LRRTM4: variants seen among roughly 807,000 people sequenced by gnomAD.
The protein encoded by LRRTM4 is leucine rich repeat transmembrane neuronal 4.
A neutral mutation model predicts 47.6 loss-of-function variants in LRRTM4; 25 were observed. The ratio of observed to expected loss-of-function variants is 0.53; its 90% confidence interval spans 0.38 to 0.73. LRRTM4 has a LOEUF of 0.73. Among genes scored for constraint, LRRTM4 ranks in the 30% least tolerant of loss-of-function variants. The pLI, the probability that LRRTM4 is intolerant of heterozygous loss-of-function variation, is 0.00. For missense variants in LRRTM4, 638 were observed against 713.4 expected (o/e 0.89, Z 1.20); for synonymous variants, 311 against 269.5 (o/e 1.15, Z -1.51).
chr2:77,379,353 G>A (rs796973169), intron 3 of LRRTM4, among the ~76,000 whole-genome samples: 15 of 151,900 alleles, frequency 9.9e-5, no homozygotes, highest in Admixed American at 2.6e-4. Flanking sequence ...TAATGTTTAG[G>A]TGCATTTTAT....
In LRRTM4 at chr2:76,909,127, C is replaced by T. The variant is rs185371393; in HGVS notation, c.1552-160211G>A. On this transcript the variant is annotated intron_variant, in intron 3 of 3. Coordinates refer to ENST00000409884, the MANE Select transcript of LRRTM4 (RefSeq NM_001134745.3). ...GGCTACAGTAACCAAAACAGCATGGCACTGGCACCAAAACAGAGATATAGA... is the reference window on the plus strand; with the variant it reads ...GGCTACAGTAACCAAAACAGCATGGTACTGGCACCAAAACAGAGATATAGA... Among the ~76,000 whole-genome samples, 398 of 151,830 alleles carry T rather than the reference C, an allele frequency of 2.6e-3. 5 individuals are homozygous for T. The highest frequency in any genetic ancestry group is 7.0e-3 in the African/African-American group (290 of 41,474).
intron 3 of LRRTM4, among the ~76,000 whole-genome samples, chr2:77,065,492 C>G (rs1221541876): frequency 6.6e-6 from 1 of 152,122 alleles, no homozygotes; most frequent in Non-Finnish European, 1.5e-5. Context: ...ATGCTAAATA[C>G]ATGTTTGTTC....
At chr2:76,880,014 C>T (rs578027355) in intron 3 of LRRTM4, among the ~76,000 whole-genome samples, 1 of 152,296 alleles carries the variant, frequency 6.6e-6, no homozygotes, top group Admixed American at 6.5e-5. Flanking sequence ...TGAGGAGATG[C>T]TCCTAATGGA....
chr2:76,808,659 C>T (rs1373551903), intron 3 of LRRTM4, among the ~76,000 whole-genome samples: 3 of 152,286 alleles, frequency 2.0e-5, no homozygotes, highest in South Asian at 4.1e-4. Context: ...AACCAGTATT[C>T]TGAAGTCCAC....
intron 3 of LRRTM4, among the ~76,000 whole-genome samples, chr2:77,119,849 T>A (rs540035094): frequency 6.0e-4 from 91 of 151,976 alleles, no homozygotes; most frequent in African/African-American, 2.1e-3. Flanking sequence ...TGACTGGAAC[T>A]GAAATGTGAA....
intron 3 of LRRTM4, among the ~76,000 whole-genome samples, chr2:76,755,538 C>T (rs1043440584): frequency 6.6e-6 from 1 of 152,050 alleles, no homozygotes; most frequent in African/African-American, 2.4e-5. Flanking sequence ...ATATACTAAA[C>T]AAAAAATGTT....
chr2:77,140,290 G>A (rs1672084113), intron 3 of LRRTM4, among the ~76,000 whole-genome samples: 1 of 152,130 alleles, frequency 6.6e-6, no homozygotes, highest in Non-Finnish European at 1.5e-5. Flanking sequence ...TAGACCAGTG[G>A]AACAGAACAG....
intron 3 of LRRTM4, among the ~76,000 whole-genome samples, chr2:77,260,701 C>A (rs1007908141): frequency 7.0e-6 from 1 of 143,254 alleles, no homozygotes; most frequent in Non-Finnish European, 1.5e-5. Flanking sequence ...CAAAACATAG[C>A]ATTTTTCATA....
At chr2:77,407,664 A>ATT (rs1229953481) in intron 3 of LRRTM4, among the ~76,000 whole-genome samples, 1 of 119,108 alleles carries the variant, frequency 8.4e-6, no homozygotes, top group East Asian at 2.3e-4. Context: ...ATAATTATAT[A>ATT]TAATAATTAT....
chr2:77,485,903 T>TTTTC (rs1193219491), intron 3 of LRRTM4, among the ~76,000 whole-genome samples: 1 of 151,648 alleles, frequency 6.6e-6, no homozygotes, highest in Admixed American at 6.6e-5. Flanking sequence ...GCTAATTTTT[T>TTTTC]TTTTTTGTAT....
intron 3 of LRRTM4, among the ~76,000 whole-genome samples, chr2:76,915,743 T>G (rs2103792953): frequency 6.6e-6 from 1 of 152,134 alleles, no homozygotes; most frequent in South Asian, 2.1e-4. Flanking sequence ...AATTAAAATA[T>G]GAAAGAAATT....
intron 3 of LRRTM4, among the ~76,000 whole-genome samples, chr2:76,946,234 C>T (rs58242424): frequency 9.2e-4 from 140 of 152,010 alleles, no homozygotes; most frequent in African/African-American, 3.1e-3. Context: ...GCATTCATGA[C>T]TCAACACATT....
chr2:77,015,549 C>T (rs377341091), intron 3 of LRRTM4, among the ~76,000 whole-genome samples: 3 of 151,920 alleles, frequency 2.0e-5, no homozygotes, highest in African/African-American at 2.4e-5. Context: ...TGGTCTCGAA[C>T]TCCTGACCTT....
At chr2:76,834,019 A>ATTTATTAT (rs1553416831) in intron 3 of LRRTM4, among the ~76,000 whole-genome samples, 2 of 140,558 alleles carry the variant, frequency 1.4e-5, no homozygotes, top group Middle Eastern at 3.6e-3. Flanking sequence ...TCATTTATTT[A>ATTTATTAT]TTATTTATTT....
intron 3 of LRRTM4, among the ~76,000 whole-genome samples, chr2:77,014,399 C>T (rs986985863): frequency 6.6e-6 from 1 of 151,870 alleles, no homozygotes; most frequent in Non-Finnish European, 1.5e-5. Context: ...ACAAATAAGG[C>T]AAACTCACCC....
chr2:76,910,939 A>C (rs138294400), intron 3 of LRRTM4, among the ~76,000 whole-genome samples: 4 of 152,330 alleles, frequency 2.6e-5, no homozygotes, highest in African/African-American at 9.6e-5. Context: ...ACTGAGAAAT[A>C]CATTCATTTA....
intron 3 of LRRTM4, among the ~76,000 whole-genome samples, chr2:77,459,513 T>C (rs540761520): frequency 3.2e-4 from 48 of 152,166 alleles, no homozygotes; most frequent in African/African-American, 1.1e-3. Context: ...TAGGAGTTGA[T>C]TTTGATTATA....
chr2:77,501,910 C>T (rs192685145), intron 3 of LRRTM4, among the ~76,000 whole-genome samples: 1 of 151,230 alleles, frequency 6.6e-6, no homozygotes, highest in Admixed American at 6.6e-5. Context: ...AATAAAATAT[C>T]ATTTGATCTC....
chr2:76,974,309 G>T (rs140361072), intron 3 of LRRTM4, among the ~76,000 whole-genome samples: 1 of 147,300 alleles, frequency 6.8e-6, no homozygotes, highest in Admixed American at 6.9e-5. Flanking sequence ...ATTATCAATG[G>T]TTTAACAGAA....
Sources: gnomAD v4.1 joint callset for allele counts (sites outside exome capture counted in the v4.1 genomes callset) on GRCh38, gnomAD v4.1.1 for gene constraint, MANE v1.5 for transcripts, NCBI Gene and HGNC (gene_info 2026-07-23, HGNC 2026-07-21) for gene names.